KIF7: variants seen among roughly 807,000 people sequenced by gnomAD.
KIF7 encodes kinesin-like protein KIF7.
KIF7 carries 104 observed loss-of-function variants against 135.7 expected under a neutral mutation model. The ratio of observed to expected loss-of-function variants is 0.77; its 90% CI spans 0.65 to 0.90. The LOEUF (loss-of-function observed/expected upper bound fraction) is 0.90, where lower values mean the gene tolerates loss of function less well. Ranked by LOEUF, KIF7 falls within the 40% of genes least tolerant of loss-of-function variation. The probability of loss-of-function intolerance (pLI) is 0.00; values close to 1 mark genes in which losing one functional copy is unlikely to be tolerated. For synonymous variants in KIF7, 883 were observed against 809.4 expected, an observed-to-expected ratio of 1.09 and a Z score of -1.54; for missense variants, 2,005 against 1,839.1, an observed-to-expected ratio of 1.09 and a Z score of -1.65.
intron 10 of KIF7, among the ~76,000 whole-genome samples, chr15:89,644,611 G>T (rs534740639): frequency 1.3e-3 from 195 of 152,268 alleles, no homozygotes; most frequent in African/African-American, 4.6e-3. Context: ...CTTGAACCCG[G>T]GAGGCAGAGG....
chr15:89,648,956 A>G lies in KIF7; in HGVS notation c.923+18T>C. ...CTCCCCGGCCCCCAGGCCACATAGG[A>G]GCCAGGGGGCAGCTCACCGGGTGAT... is the stretch of plus-strand genomic sequence containing the variant. On this transcript the variant is annotated intron_variant, in intron 4 of 18. Coordinates refer to ENST00000394412, the MANE Select transcript of KIF7 (RefSeq NM_198525.3). The G allele has an allele frequency of 6.6e-7, 1 of 1,522,062 alleles. No homozygotes were observed. The highest frequency in any genetic ancestry group is 8.8e-7 in the Non-Finnish European group (1 of 1,133,178). 94.3% of individuals were successfully genotyped at this position (1,522,062 alleles called of 1,614,324 possible).
At chr15:89,635,191 A>G (rs1963778811) in intron 11 of KIF7, among the ~76,000 whole-genome samples, 1 of 152,160 alleles carries the variant, frequency 6.6e-6, no homozygotes, top group South Asian at 2.1e-4. Flanking sequence ...CACCATCATC[A>G]AAGACCAAAA....
downstream of KIF7, chr15:89,625,634 G>A: frequency 6.2e-7 from 1 of 1,613,506 alleles, no homozygotes. Flanking sequence ...TCCAGGAAGA[G>A]AGTCCTGTTG....
At chr15:89,627,235 T>A, downstream of KIF7, 1 of 934,478 alleles carries the variant, frequency 1.1e-6, no homozygotes, top group Non-Finnish European at 1.6e-6. Flanking sequence ...ATTCCCCTTA[T>A]GGATCCAATC....
At chr15:89,647,969 TGCGTCTTCACCG>T (rs1175808806) in intron 5 of KIF7, among the ~76,000 whole-genome samples, 1 of 152,214 alleles carries the variant, frequency 6.6e-6, no homozygotes, top group Non-Finnish European at 1.5e-5. Context: ...AACAATTTAC[TGCGTCTTCACCG>T]GCATGCTAGG....
chr15:89,658,940 T>C (rs1964232129), upstream of KIF7, among the ~76,000 whole-genome samples: 1 of 152,020 alleles, frequency 6.6e-6, no homozygotes, highest in Non-Finnish European at 1.5e-5. Flanking sequence ...ATGGCAAATA[T>C]TATTAGGGGA....
chr15:89,624,713 G>A (rs1963484621), downstream of KIF7: 1 of 1,614,154 alleles, frequency 6.2e-7, no homozygotes, highest in African/African-American at 1.3e-5. Context: ...ACTCTCCTCA[G>A]TGAAGCCGAA....
upstream of KIF7, among the ~76,000 whole-genome samples, chr15:89,656,050 A>T (rs1463569260): frequency 1.3e-5 from 2 of 152,218 alleles, no homozygotes; most frequent in East Asian, 3.8e-4. Context: ...ATCTGAAAAC[A>T]TATTTGTCAC....
chr15:89,647,584 C>G lies in KIF7; in HGVS notation c.1560+12G>C. The G allele has an allele frequency of 6.2e-7, 1 of 1,606,792 alleles. No homozygotes were observed. Among genetic ancestry groups the G allele is most frequent in the Admixed American group, 1.7e-5 (1 of 60,024 alleles). On this transcript the variant is annotated intron_variant, in intron 6 of 18. Transcript: ENST00000394412. Reference sequence around the variant, plus strand: ...GGGAAGCCTTCCCCGCACTGTGAAGCGGGCGCCGCACCTGCAGTTTGTACT... The same window carrying G: ...GGGAAGCCTTCCCCGCACTGTGAAGGGGGCGCCGCACCTGCAGTTTGTACT...
Position 89,633,193 on chromosome 15 carries a change from C to T in KIF7, c.2666G>A (p.Arg889Lys), listed in dbSNP as rs770875091. 1.9e-6 allele frequency: 3 copies of T among 1,604,926 alleles called. No homozygotes were observed. The highest frequency in any genetic ancestry group is 2.7e-5 in the African/African-American group (2 of 74,862). The change falls in exon 13 of 19, where the codon AGG becomes AAG. Residue 889 changes from arginine (R) to lysine (K), a missense_variant. Physicochemically the swap from Arg to Lys is conservative, Grantham distance 26. Coordinates refer to ENST00000394412, the MANE Select transcript of KIF7 (RefSeq NM_198525.3). Reference protein sequence around the residue: ...IKTEEIAAFQRKRRSGSNGSV... With the variant: ...IKTEEIAAFQKKRRSGSNGSV... The stretch of plus-strand genomic sequence containing the variant: ...GCCGTTGCTGCCACTGCGCCTCTTC[C>T]TCTGGAATGCCGCGATCTCTTCCGT...
At chr15:89,633,971 A>G (rs1963745798) in intron 11 of KIF7, 88 bp from the exon 12 acceptor site, 1 of 1,444,136 alleles carries the variant, frequency 6.9e-7, no homozygotes, top group South Asian at 1.1e-5. Context: ...GCAGGCAGAT[A>G]GAGGGCAAAT....
At position 89,649,748 on chromosome 15, in the gene KIF7, C is replaced by T; in HGVS notation, c.522G>A (p.Gly174=). Residue 174 remains glycine (G), a synonymous_variant, in exon 3 of 19, where the codon GGG becomes GGA. Transcript: ENST00000394412. Reference sequence around the variant, plus strand: ...GACCCCAGAGTTCCTCACCAACATTCCCGCGCTCATCTTCCCGGAGCTGGA... The same window carrying T: ...GACCCCAGAGTTCCTCACCAACATTTCCGCGCTCATCTTCCCGGAGCTGGA... ...RDIQLREDER[G]NVVLCGVKEV... 3 of 1,551,840 alleles carry T rather than the reference C, an allele frequency of 1.9e-6. No homozygotes were observed. In the East Asian group the frequency reaches 7.3e-5, roughly 38 times the overall value.
chr15:89,649,139 AG>A lies in KIF7; in HGVS notation c.757del (p.Leu253TrpfsTer69). 1.9e-6 allele frequency: 3 copies of A among 1,547,880 alleles called. No individual in the cohort carries two copies. Among genetic ancestry groups the A allele is most frequent in the Non-Finnish European group, 2.6e-6 (3 of 1,146,722 alleles). On this transcript the variant is annotated frameshift_variant, in exon 4 of 19. Coordinates refer to ENST00000394412, the MANE Select transcript of KIF7 (RefSeq NM_198525.3). LOFTEE classifies it high-confidence loss of function. ...CTTGAGCACCCTCTCTGAGCCCGCC[AG>A]GTCCACGAAGTGGAACTTGGAGACG... The part of the protein sequence containing the change: ...LLVSKFHFVD[L>X]AGSERVLKTG...
At chr15:89,662,791 T>C in the KIF7 span, among the ~76,000 whole-genome samples, 107 of 152,284 alleles carry the variant, frequency 7.0e-4, no homozygotes, top group African/African-American at 2.5e-3. Flanking sequence ...AGGAAGCAAA[T>C]GTCTGCCATT....
At chr15:89,658,314 G>A (rs112983410), upstream of KIF7, among the ~76,000 whole-genome samples, 1,066 of 151,894 alleles carry the variant, frequency 7.0e-3, 3 homozygotes, top group Non-Finnish European at 0.01. Context: ...GCTGGGCCTG[G>A]TGGTGTGCAC....
intron 2 of KIF7, among the ~76,000 whole-genome samples, chr15:89,651,475 C>T (rs1964123472): frequency 6.6e-6 from 1 of 152,140 alleles, no homozygotes; most frequent in African/African-American, 2.4e-5. Context: ...CTCAGGTGAT[C>T]TGCCTGCCTC....
chr15:89,649,822 T>G lies in KIF7; in HGVS notation c.448A>C (p.Lys150Gln), dbSNP rs1050207869. 1.9e-5 allele frequency: 29 copies of G among 1,551,700 alleles called. No homozygotes were observed. Among genetic ancestry groups the G allele is most frequent in the Non-Finnish European group, 2.5e-5 (29 of 1,147,022 alleles). ...TCGAGCAGGTCTCGGAACTCCTCCT[T>G]GTACACTTCCAGGTAGGACACATGT... Reference protein sequence around the residue: ...LVHVSYLEVYKEEFRDLLEVG... With the variant: ...LVHVSYLEVYQEEFRDLLEVG... The change falls in exon 3 of 19, where the codon AAG becomes CAG. Residue 150 changes from lysine to glutamine, a missense_variant. Lys to Gln is a moderately conservative substitution (Grantham distance 53). Transcript: ENST00000394412.
At chr15:89,660,064 G>A (rs976691096), upstream of KIF7, among the ~76,000 whole-genome samples, 5 of 152,152 alleles carry the variant, frequency 3.3e-5, no homozygotes, top group African/African-American at 9.7e-5. Context: ...CTGGCGTGGT[G>A]GCGAGCGCCT....
At chr15:89,662,742 C>T in the KIF7 span, among the ~76,000 whole-genome samples, 22 of 152,026 alleles carry the variant, frequency 1.4e-4, no homozygotes, top group Non-Finnish European at 2.1e-4. Flanking sequence ...AGTGATGCCC[C>T]GCAGAACAGA....
Sources: allele counts gnomAD v4.1 joint callset (sites outside exome capture counted in the v4.1 genomes callset), GRCh38; gene constraint gnomAD v4.1.1; transcripts MANE v1.5; gene names NCBI Gene and HGNC (gene_info 2026-07-23, HGNC 2026-07-21).